The following RNF180 variants were observed in gnomAD, a reference collection of about 807,000 sequenced individuals.
RNF180 encodes ring finger protein 180, also known as E3 ubiquitin-protein ligase RNF180.
Under a neutral mutation model 59.2 loss-of-function variants are expected in RNF180, and 38 were observed. That is an observed-to-expected ratio of 0.64 (90% confidence interval 0.50 to 0.84). The LOEUF is 0.84. RNF180 is among the 40% of genes least tolerant of loss of function. The probability of loss-of-function intolerance (pLI) is 0.00; values close to 1 mark genes in which losing one functional copy is unlikely to be tolerated. For missense variants in RNF180, 705 were observed against 700.9 expected (o/e 1.01, Z -0.07); for synonymous variants, 262 against 240.3 (o/e 1.09, Z -0.84).
chr5:64,190,295 CT>C (rs1751076488), intron 1 of RNF180, among the ~76,000 whole-genome samples: 1 of 152,154 alleles, frequency 6.6e-6, no homozygotes, highest in Non-Finnish European at 1.5e-5. Context: ...TGATTTCTCC[CT>C]TTTAGAATGG....
chr5:64,273,470 T>A (rs1229649760), intron 5 of RNF180, among the ~76,000 whole-genome samples: 1 of 151,860 alleles, frequency 6.6e-6, no homozygotes, highest in Non-Finnish European at 1.5e-5. Flanking sequence ...ATTAAGGAAC[T>A]CCAACTTTAT....
intron 7 of RNF180, among the ~76,000 whole-genome samples, chr5:64,342,386 T>C (rs559715350): frequency 6.6e-6 from 1 of 152,198 alleles, no homozygotes; most frequent in Non-Finnish European, 1.5e-5. Context: ...TGAAGGGGAA[T>C]AGAAATCAGC....
At chr5:64,216,869 A>T (rs2112133665) in intron 4 of RNF180, among the ~76,000 whole-genome samples, 1 of 152,266 alleles carries the variant, frequency 6.6e-6, no homozygotes, top group African/African-American at 2.4e-5. Context: ...CAATAAAATT[A>T]TTCTCTACAT....
intron 5 of RNF180, among the ~76,000 whole-genome samples, chr5:64,250,624 G>A (rs1320518183): frequency 6.6e-6 from 1 of 152,114 alleles, no homozygotes; most frequent in East Asian, 1.9e-4. Flanking sequence ...ACACTATTAT[G>A]AACAATTATA....
intron 5 of RNF180, among the ~76,000 whole-genome samples, chr5:64,273,986 T>A (rs1235947008): frequency 1.3e-5 from 2 of 151,972 alleles, no homozygotes; most frequent in African/African-American, 4.8e-5. Flanking sequence ...AGAGTTCAAT[T>A]TAGTTTAGTT....
intron 7 of RNF180, among the ~76,000 whole-genome samples, chr5:64,350,436 G>A (rs192376055): frequency 3.2e-4 from 49 of 152,086 alleles, no homozygotes; most frequent in East Asian, 1.2e-3. Context: ...GTCAATTTTC[G>A]CTTTTGTTGC....
At chr5:64,368,279 T>C (rs1231259089) in intron 7 of RNF180, among the ~76,000 whole-genome samples, 1 of 151,782 alleles carries the variant, frequency 6.6e-6, no homozygotes, top group East Asian at 1.9e-4. Context: ...CTGAATGAAA[T>C]TCTCAAAGTA....
intron 5 of RNF180, among the ~76,000 whole-genome samples, chr5:64,265,561 C>A (rs557180454): frequency 6.6e-6 from 1 of 152,040 alleles, no homozygotes; most frequent in East Asian, 1.9e-4. Flanking sequence ...ACTTCTGAGG[C>A]CTGTGTTCTG....
At chr5:64,320,748 T>C (rs771707181) in intron 5 of RNF180, among the ~76,000 whole-genome samples, 1 of 151,962 alleles carries the variant, frequency 6.6e-6, no homozygotes, top group Non-Finnish European at 1.5e-5. Context: ...TTATAAATGG[T>C]CTAATTAAGG....
intron 5 of RNF180, among the ~76,000 whole-genome samples, chr5:64,267,747 G>A (rs1290915749): frequency 6.6e-6 from 1 of 152,072 alleles, no homozygotes; most frequent in African/African-American, 2.4e-5. Context: ...AGTAATATAT[G>A]TGCTTCTTTA....
intron 5 of RNF180, among the ~76,000 whole-genome samples, chr5:64,258,320 G>T (rs1378260970): frequency 1.3e-5 from 2 of 152,188 alleles, no homozygotes; most frequent in Non-Finnish European, 2.9e-5. Flanking sequence ...GTTGTGTTTT[G>T]AATTCAGTCT....
At chr5:64,349,435 CT>C (rs926452541) in intron 7 of RNF180, among the ~76,000 whole-genome samples, 9 of 143,318 alleles carry the variant, frequency 6.3e-5, no homozygotes, top group East Asian at 2.0e-4. Flanking sequence ...GTTTCTATTA[CT>C]TTTTTTTATT....
intron 5 of RNF180, among the ~76,000 whole-genome samples, chr5:64,274,524 A>G (rs1252110816): frequency 1.3e-5 from 2 of 151,950 alleles, no homozygotes; most frequent in Non-Finnish European, 2.9e-5. Context: ...GTTCTGAATT[A>G]TGGAAGCAAT....
intron 7 of RNF180, among the ~76,000 whole-genome samples, chr5:64,337,933 C>T (rs1028920591): frequency 2.0e-5 from 3 of 152,030 alleles, no homozygotes; most frequent in African/African-American, 7.3e-5. Flanking sequence ...GGTTCCAAGT[C>T]TTTGCTATTG....
intron 1 of RNF180, among the ~76,000 whole-genome samples, chr5:64,197,963 A>G (rs1453576481): frequency 6.6e-6 from 1 of 152,172 alleles, no homozygotes; most frequent in African/African-American, 2.4e-5. Flanking sequence ...AGGAGGTGAC[A>G]TTGAACCAAG....
intron 5 of RNF180, among the ~76,000 whole-genome samples, chr5:64,281,528 T>C (rs1450083090): frequency 6.6e-6 from 1 of 152,142 alleles, no homozygotes; most frequent in African/African-American, 2.4e-5. Context: ...AGATGGAGTC[T>C]TGTTCTGTTG....
chr5:64,300,408 C>T (rs1320409208), intron 5 of RNF180, among the ~76,000 whole-genome samples: 1 of 151,724 alleles, frequency 6.6e-6, no homozygotes, highest in African/African-American at 2.4e-5. Flanking sequence ...TGCTGTAAGT[C>T]GAGGATCATC....
intron 5 of RNF180, among the ~76,000 whole-genome samples, chr5:64,301,349 A>G (rs534120609): frequency 1.6e-4 from 24 of 151,868 alleles, no homozygotes; most frequent in African/African-American, 5.5e-4. Flanking sequence ...AAACGTCAAA[A>G]TTTCAGGTTT....
At position 64,372,565 on chromosome 5, in the gene RNF180, G is replaced by A. The variant is rs1412977538; in HGVS notation, c.*2751G>A. ...TAAAATTTTCATTTAAATGTCTTTT[G>A]TATGGCTAAATGAATATACAGATTC... On this transcript the variant is annotated 3_prime_UTR_variant, in exon 8 of 8. Coordinates refer to ENST00000389100, the MANE Select transcript of RNF180 (RefSeq NM_001113561.2). 1 of 151,850 alleles carries A rather than the reference G, an allele frequency of 6.6e-6. No individual in the cohort carries two copies. Among genetic ancestry groups the A allele is most frequent in the Non-Finnish European group, 1.5e-5 (1 of 67,888 alleles). 9.4% of individuals were successfully genotyped at this position (151,850 alleles called of 1,614,324 possible).
Sources: gnomAD v4.1 joint callset for allele counts (sites outside exome capture counted in the v4.1 genomes callset) on GRCh38, gnomAD v4.1.1 for gene constraint, MANE v1.5 for transcripts, NCBI Gene and HGNC (gene_info 2026-07-23, HGNC 2026-07-21) for gene names.